Variants in LRRTM4 observed in about 807,000 individuals in gnomAD.
LRRTM4 encodes the protein leucine-rich repeat transmembrane neuronal protein 4.
Under a neutral mutation model 47.6 loss-of-function variants are expected in LRRTM4, and 25 were observed. The observed-to-expected ratio is 0.53, with a 90% CI of 0.38 to 0.73. The LOEUF (loss-of-function observed/expected upper bound fraction) is 0.73, where lower values mean the gene tolerates loss of function less well. Ranked by LOEUF, LRRTM4 falls within the 30% of genes least tolerant of loss-of-function variation. The pLI is 0.00. For synonymous variants in LRRTM4, 311 were observed against 269.5 expected (o/e 1.15, Z -1.51); for missense variants, 638 against 713.4 (o/e 0.89, Z 1.20).
chr2:76,829,030 G>A (rs187305555), intron 3 of LRRTM4, among the ~76,000 whole-genome samples: 1 of 152,002 alleles, frequency 6.6e-6, no homozygotes, highest in East Asian at 1.9e-4. Flanking sequence ...CCCTTCCCAT[G>A]TGACCAGGGG....
chr2:76,893,726 A>T (rs1410277309), intron 3 of LRRTM4, among the ~76,000 whole-genome samples: 3 of 151,812 alleles, frequency 2.0e-5, no homozygotes, highest in Non-Finnish European at 4.4e-5. Flanking sequence ...TCAAGGTCAG[A>T]GGTAGAACAG....
intron 3 of LRRTM4, among the ~76,000 whole-genome samples, chr2:77,394,974 T>C (rs1213328923): frequency 2.0e-5 from 3 of 151,932 alleles, no homozygotes; most frequent in Non-Finnish European, 4.4e-5. Context: ...AATTTGCTTA[T>C]CTTGAGGCCA....
At chr2:77,163,764 G>A (rs1672798913) in intron 3 of LRRTM4, among the ~76,000 whole-genome samples, 1 of 152,146 alleles carries the variant, frequency 6.6e-6, no homozygotes, top group Admixed American at 6.5e-5. Context: ...AATGCTGAGA[G>A]ATTTTGTCAC....
chr2:76,836,954 T>G (rs1671533002), intron 3 of LRRTM4, among the ~76,000 whole-genome samples: 1 of 152,122 alleles, frequency 6.6e-6, no homozygotes, highest in Admixed American at 6.6e-5. Context: ...TCAAAATAAT[T>G]TATGATATCC....
chr2:76,999,120 C>T (rs1558788010), intron 3 of LRRTM4, among the ~76,000 whole-genome samples: 5 of 151,678 alleles, frequency 3.3e-5, no homozygotes. Flanking sequence ...AGTGTGTGTG[C>T]ATCATGGATC....
intron 3 of LRRTM4, among the ~76,000 whole-genome samples, chr2:76,775,443 C>G (rs991598145): frequency 1.3e-5 from 2 of 152,072 alleles, no homozygotes; most frequent in South Asian, 2.1e-4. Flanking sequence ...TCTGGGCAGC[C>G]AGGGGCATTG....
intron 3 of LRRTM4, among the ~76,000 whole-genome samples, chr2:76,893,215 C>T (rs967941998): frequency 2.0e-5 from 3 of 151,520 alleles, no homozygotes; most frequent in Non-Finnish European, 3.0e-5. Flanking sequence ...GAAAAAGATG[C>T]TCACACTTGA....
In LRRTM4 at chr2:77,417,726, A is replaced by C. The variant is rs566617216; in HGVS notation, c.1551+100592T>G. Among the ~76,000 whole-genome samples, 955 of 150,470 alleles carry C rather than the reference A, an allele frequency of 6.3e-3. 6 individuals carry two copies. Among genetic ancestry groups the C allele is most frequent in the African/African-American group, 0.022 (895 of 40,756 alleles). On this transcript the variant is annotated intron_variant, in intron 3 of 3. Transcript: ENST00000409884. ...GGAATTGAACAATGAGAACACATGG[A>C]CACAGGAAGGGGAACATCACACACT...
chr2:77,316,552 C>A (rs866704878), intron 3 of LRRTM4, among the ~76,000 whole-genome samples: 1 of 146,224 alleles, frequency 6.8e-6, no homozygotes, highest in South Asian at 2.2e-4. Flanking sequence ...AAATTGCTAT[C>A]TTTTTTTTTT....
chr2:77,429,743 T>C (rs1165772964), intron 3 of LRRTM4, among the ~76,000 whole-genome samples: 2 of 152,104 alleles, frequency 1.3e-5, no homozygotes, highest in Non-Finnish European at 2.9e-5. Flanking sequence ...TCAAAGGATA[T>C]AAAATTTCTA....
At chr2:76,834,269 T>G (rs1196730433) in intron 3 of LRRTM4, among the ~76,000 whole-genome samples, 3 of 151,478 alleles carry the variant, frequency 2.0e-5, no homozygotes, top group African/African-American at 7.3e-5. Flanking sequence ...CAGTCTGGTC[T>G]CGAACTCCTG....
At chr2:76,873,519 T>TAC (rs1454811225) in intron 3 of LRRTM4, among the ~76,000 whole-genome samples, 13 of 145,846 alleles carry the variant, frequency 8.9e-5, no homozygotes, top group South Asian at 2.1e-4. Context: ...TATATATATA[T>TAC]ATATATATAT....
intron 3 of LRRTM4, chr2:77,516,950 A>G: frequency 1.0e-6 from 1 of 984,870 alleles, no homozygotes; most frequent in Non-Finnish European, 1.2e-6. Context: ...CCAACTGTTA[A>G]CTAGCATTAG....
chr2:77,084,102 G>T (rs1268153101), intron 3 of LRRTM4, among the ~76,000 whole-genome samples: 1 of 152,016 alleles, frequency 6.6e-6, no homozygotes, highest in African/African-American at 2.4e-5. Flanking sequence ...ACCATGCGTG[G>T]CCCTGGACAC....
At chr2:77,142,647 C>T (rs1224202216) in intron 3 of LRRTM4, among the ~76,000 whole-genome samples, 1 of 152,044 alleles carries the variant, frequency 6.6e-6, no homozygotes, top group South Asian at 2.1e-4. Context: ...ATAACAAGAC[C>T]ATGATTGACC....
chr2:77,242,974 G>T (rs1329773138), intron 3 of LRRTM4, among the ~76,000 whole-genome samples: 1 of 152,110 alleles, frequency 6.6e-6, no homozygotes, highest in African/African-American at 2.4e-5. Context: ...AACAACCCAA[G>T]CGTCTATTGA....
At chr2:77,116,888 T>C (rs1252386574) in intron 3 of LRRTM4, among the ~76,000 whole-genome samples, 1 of 152,068 alleles carries the variant, frequency 6.6e-6, no homozygotes, top group East Asian at 1.9e-4. Context: ...TGTGCAACAA[T>C]CAATATCAAT....
At chr2:76,779,896 G>C (rs1261386534) in intron 3 of LRRTM4, among the ~76,000 whole-genome samples, 3 of 151,756 alleles carry the variant, frequency 2.0e-5, no homozygotes, top group Non-Finnish European at 2.9e-5. Flanking sequence ...GCAGCGGCTG[G>C]TACCGGTTGT....
intron 3 of LRRTM4, among the ~76,000 whole-genome samples, chr2:77,078,163 A>G (rs1680407170): frequency 6.6e-6 from 1 of 152,302 alleles, no homozygotes; most frequent in African/African-American, 2.4e-5. Context: ...AACTTAAATA[A>G]AAATACCTCC....
Sources: allele counts gnomAD v4.1 joint callset (sites outside exome capture counted in the v4.1 genomes callset), GRCh38; gene constraint gnomAD v4.1.1; transcripts MANE v1.5; gene names NCBI Gene and HGNC (gene_info 2026-07-23, HGNC 2026-07-21).